TMEM232: variants seen among roughly 807,000 people sequenced by gnomAD.
The protein encoded by TMEM232 is transmembrane protein 232.
A neutral mutation model predicts 78.8 loss-of-function variants in TMEM232; 80 were observed. That is an observed-to-expected ratio of 1.01 (90% CI 0.85 to 1.22). The LOEUF is 1.22. TMEM232 is among the 50% of genes most tolerant of loss of function. TMEM232 has a pLI of 0.00. For missense variants in TMEM232, 881 were observed against 742.2 expected, an observed-to-expected ratio of 1.19 and a Z score of -2.17; for synonymous variants, 297 against 254.3, an observed-to-expected ratio of 1.17 and a Z score of -1.60.
intron 11 of TMEM232, among the ~76,000 whole-genome samples, chr5:110,563,448 G>A (rs1775981912): frequency 6.6e-6 from 1 of 151,834 alleles, no homozygotes; most frequent in African/African-American, 2.4e-5. Context: ...ATCCATTTGT[G>A]ATTTGACAGT....
chr5:110,498,475 A>G lies in TMEM232; in HGVS notation c.1703+30113T>C, dbSNP rs191287254. Among the ~76,000 whole-genome samples the G allele has an allele frequency of 2.6e-5, 4 of 152,280 alleles. No individual in the cohort carries two copies. The East Asian group carries it at 7.7e-4, about 29-fold the overall frequency. On this transcript the variant is annotated intron_variant, in intron 12 of 13. Transcript: ENST00000455884. The stretch of plus-strand genomic sequence containing the variant: ...TCCCAATTCTAGTACCAAGAATGAA[A>G]GTAGCTTAATTTGAATTACCCTTCC...
At chr5:110,651,067 T>C (rs1292650491) in intron 2 of TMEM232, among the ~76,000 whole-genome samples, 3 of 152,194 alleles carry the variant, frequency 2.0e-5, no homozygotes, top group African/African-American at 7.2e-5. Context: ...TATTGATTCA[T>C]TCTATATTAA....
chr5:110,533,652 CA>C (rs1771887744), intron 11 of TMEM232, among the ~76,000 whole-genome samples: 1 of 152,192 alleles, frequency 6.6e-6, no homozygotes, highest in African/African-American at 2.4e-5. Context: ...TTAAGTCTCC[CA>C]CAATTACCAT....
intron 10 of TMEM232, 149 bp from the exon 11 acceptor site, chr5:110,568,774 C>T: frequency 7.9e-6 from 6 of 755,980 alleles, no homozygotes; most frequent in Non-Finnish European, 1.2e-5. Flanking sequence ...TCTGACCCTT[C>T]ACTGCTTTCT....
chr5:110,507,560 A>T (rs971281716), intron 12 of TMEM232, among the ~76,000 whole-genome samples: 5 of 152,200 alleles, frequency 3.3e-5, no homozygotes, highest in African/African-American at 4.8e-5. Flanking sequence ...TCAGGTTCTC[A>T]GGTTCTCAGA....
chr5:110,645,656 A>G (rs1178914849), intron 2 of TMEM232, among the ~76,000 whole-genome samples: 1 of 151,626 alleles, frequency 6.6e-6, no homozygotes, highest in African/African-American at 2.4e-5. Flanking sequence ...CCTCTAAGAC[A>G]CTATACAAGA....
intron 10 of TMEM232, among the ~76,000 whole-genome samples, chr5:110,571,208 T>C (rs1776901329): frequency 6.6e-6 from 1 of 152,062 alleles, no homozygotes. Context: ...AGAGAGAATA[T>C]CTTTTATTCG....
intron 1 of TMEM232, among the ~76,000 whole-genome samples, chr5:110,691,812 G>C (rs1156857809): frequency 3.9e-5 from 6 of 152,180 alleles, no homozygotes; most frequent in Non-Finnish European, 7.3e-5. Context: ...AAAATTATAA[G>C]AATGTCACTT....
At chr5:110,406,813 T>G (rs890985813) in intron 2 of TMEM232, among the ~76,000 whole-genome samples, 5 of 152,100 alleles carry the variant, frequency 3.3e-5, no homozygotes, top group African/African-American at 1.2e-4. Flanking sequence ...GAATGTAAAT[T>G]GAGAAAACTG....
chr5:110,693,049 C>T (rs1300306000), intron 1 of TMEM232, among the ~76,000 whole-genome samples: 1 of 152,088 alleles, frequency 6.6e-6, no homozygotes, highest in Non-Finnish European at 1.5e-5. Context: ...CTGGGAAGCA[C>T]CCCCCAGTAG....
intron 2 of TMEM232, among the ~76,000 whole-genome samples, chr5:110,408,248 G>A (rs1175530842): frequency 1.3e-5 from 2 of 151,946 alleles, no homozygotes; most frequent in Admixed American, 6.6e-5. Flanking sequence ...ATTAGTAGAA[G>A]GAAAATAATA....
intron 10 of TMEM232, among the ~76,000 whole-genome samples, chr5:110,594,409 G>A (rs1421578409): frequency 1.3e-5 from 2 of 152,076 alleles, no homozygotes; most frequent in Non-Finnish European, 2.9e-5. Flanking sequence ...CTAGCTGCAG[G>A]AGTTTTTTTT....
chr5:110,506,700 A>G (rs1164899473), intron 12 of TMEM232, among the ~76,000 whole-genome samples: 1 of 152,188 alleles, frequency 6.6e-6, no homozygotes, highest in Non-Finnish European at 1.5e-5. Context: ...TCAGCAACAG[A>G]GCATATAAAC....
rs116079679 is a variant in TMEM232 at position 110,699,895 on chromosome 5, T to A, written c.-13+26732A>T. On this transcript the variant is annotated intron_variant, in intron 1 of 13. Transcript: ENST00000455884. ...CTAAGGCATAATTCAGAGATAGTGC[T>A]AAGGAGTTTCCTGATCCTACCCAAG... Among the ~76,000 whole-genome samples the A allele has an allele frequency of 3.0e-3, 457 of 152,164 alleles. 3 individuals are homozygous for A. The highest frequency in any genetic ancestry group is 0.01 in the African/African-American group (436 of 41,550).
At chr5:110,467,227 C>CCATAGAGAGGTAGGCTAACCCT (rs1163930485) in intron 12 of TMEM232, among the ~76,000 whole-genome samples, 2 of 152,090 alleles carry the variant, frequency 1.3e-5, no homozygotes, top group Admixed American at 1.3e-4. Context: ...AGGAACAGAA[C>CCATAGAGAGGTAGGCTAACCCT]CATAGAGAGG....
chr5:110,426,861 GATAA>G (rs1469056598), intron 12 of TMEM232, among the ~76,000 whole-genome samples: 1 of 151,966 alleles, frequency 6.6e-6, no homozygotes, highest in Admixed American at 6.6e-5. Flanking sequence ...GCTATAAAAA[GATAA>G]ATAAAACAGA....
chr5:110,496,543 C>T lies in TMEM232; in HGVS notation c.1703+32045G>A, dbSNP rs539248307. Among the ~76,000 whole-genome samples, 11 of 152,066 alleles carry T rather than the reference C, an allele frequency of 7.2e-5. No individual in the cohort carries two copies. In the South Asian group the frequency reaches 2.3e-3, roughly 32 times the overall value. On this transcript the variant is annotated intron_variant, in intron 12 of 13. Coordinates refer to ENST00000455884, the MANE Select transcript of TMEM232 (RefSeq NM_001039763.4). ...GGAATATATGCCAATTATAGCAATG[C>T]TATAATTTTCTTAATAAAATTTCAT...
At chr5:110,523,248 C>T (rs1038942697) in intron 12 of TMEM232, among the ~76,000 whole-genome samples, 2 of 151,950 alleles carry the variant, frequency 1.3e-5, no homozygotes, top group Non-Finnish European at 2.9e-5. Flanking sequence ...TCAACTGTAG[C>T]GTCTCTTCTT....
chr5:110,492,365 T>G (rs1765200029), intron 12 of TMEM232, among the ~76,000 whole-genome samples: 1 of 151,952 alleles, frequency 6.6e-6, no homozygotes, highest in Non-Finnish European at 1.5e-5. Flanking sequence ...AAAACATCTT[T>G]ACCAATTTGG....
Sources: gnomAD v4.1 joint callset for allele counts (sites outside exome capture counted in the v4.1 genomes callset) on GRCh38, gnomAD v4.1.1 for gene constraint, MANE v1.5 for transcripts, NCBI Gene and HGNC (gene_info 2026-07-23, HGNC 2026-07-21) for gene names.